Variants in HERPUD2 observed in about 807,000 individuals in gnomAD.
HERPUD2 encodes homocysteine-responsive endoplasmic reticulum-resident ubiquitin-like domain member 2 protein.
HERPUD2 carries 13 observed loss-of-function variants against 49.9 expected under a neutral mutation model. The observed-to-expected ratio is 0.26, with a 90% CI of 0.17 to 0.41. The LOEUF is 0.41. Ranked by LOEUF, HERPUD2 falls within the 10% of genes least tolerant of loss-of-function variation. HERPUD2 has a pLI of 1.00. For missense variants in HERPUD2, 449 were observed against 492.2 expected, an observed-to-expected ratio of 0.91 and a Z score of 0.83; for synonymous variants, 172 against 171.4, an observed-to-expected ratio of 1.00 and a Z score of -0.03.
chr7:35,641,150 T>C (rs547900546), intron 5 of HERPUD2, among the ~76,000 whole-genome samples: 181 of 152,326 alleles, frequency 1.2e-3, no homozygotes, highest in South Asian at 2.7e-3. Context: ...ATATCAACTA[T>C]TAATTAAAGC....
At chr7:35,657,912 A>G (rs1371961428) in intron 5 of HERPUD2, among the ~76,000 whole-genome samples, 1 of 150,374 alleles carries the variant, frequency 6.7e-6, no homozygotes, top group Admixed American at 6.6e-5. Context: ...ACACAGCGAG[A>G]CTCTGTCTCA....
At chr7:35,693,031 A>G (rs1346038866) in intron 2 of HERPUD2, among the ~76,000 whole-genome samples, 1 of 152,254 alleles carries the variant, frequency 6.6e-6, no homozygotes, top group Non-Finnish European at 1.5e-5. Flanking sequence ...TAAAAAATGT[A>G]TACAGTGGAG....
intron 5 of HERPUD2, among the ~76,000 whole-genome samples, chr7:35,648,354 T>C (rs2115867759): frequency 6.6e-6 from 1 of 152,364 alleles, no homozygotes; most frequent in East Asian, 1.9e-4. Flanking sequence ...AACAGGATTA[T>C]ACATGCATAC....
intron 6 of HERPUD2, among the ~76,000 whole-genome samples, chr7:35,636,849 C>G (rs1275761973): frequency 6.6e-6 from 1 of 152,120 alleles, no homozygotes; most frequent in Non-Finnish European, 1.5e-5. Context: ...ACCTGGCAAA[C>G]CGGGCATGGT....
chr7:35,648,372 C>T (rs1258950972), intron 5 of HERPUD2, among the ~76,000 whole-genome samples: 2 of 152,128 alleles, frequency 1.3e-5, no homozygotes, highest in Non-Finnish European at 1.5e-5. Flanking sequence ...TACTATGTGC[C>T]CCTCAGTGGC....
chr7:35,637,288 T>C (rs1242841395), intron 6 of HERPUD2, among the ~76,000 whole-genome samples: 1 of 152,050 alleles, frequency 6.6e-6, no homozygotes, highest in Non-Finnish European at 1.5e-5. Flanking sequence ...CAAGTGGACT[T>C]AGAATGAGAA....
intron 2 of HERPUD2, among the ~76,000 whole-genome samples, chr7:35,681,808 AAGAAAC>A (rs1465537226): frequency 6.6e-6 from 1 of 152,154 alleles, no homozygotes; most frequent in Non-Finnish European, 1.5e-5. Context: ...TAGAAAAAAA[AAGAAAC>A]AGAAAGTAGA....
intron 2 of HERPUD2, among the ~76,000 whole-genome samples, chr7:35,674,434 G>T (rs1263889886): frequency 0.019 from 2,396 of 128,708 alleles, 125 homozygotes; most frequent in Non-Finnish European, 0.023. Flanking sequence ...GAGAGAGAGA[G>T]AGAGAGAGAG....
At chr7:35,665,202 C>T (rs1583556441) in intron 5 of HERPUD2, among the ~76,000 whole-genome samples, 2 of 152,352 alleles carry the variant, frequency 1.3e-5, no homozygotes, top group East Asian at 3.9e-4. Context: ...TTCAGCTATG[C>T]CCTGCCCCTA....
Position 35,667,469 on chromosome 7 carries a change from T to C in HERPUD2, c.459A>G (p.Gln153=), listed in dbSNP as rs371851894. The C allele has an allele frequency of 6.2e-7, 1 of 1,613,824 alleles. No individual in the cohort carries two copies. The highest frequency in any genetic ancestry group is 8.5e-7 in the Non-Finnish European group (1 of 1,179,844). ...QRTLPQAQTD[Q]AQSHQFPYVM... is the part of the protein sequence containing the mutation. ...CATATGGAAACTGGTGACTCTGTGCTTGGTCAGTTTGTGCTTGTGGAAGGG... is the reference window on the plus strand; with the variant it reads ...CATATGGAAACTGGTGACTCTGTGCCTGGTCAGTTTGTGCTTGTGGAAGGG... The change falls in exon 5 of 9, where the codon CAA becomes CAG. Residue 153 remains glutamine (Q), a synonymous_variant. Transcript: ENST00000311350.
At chr7:35,669,892 C>T (rs1785608430) in intron 4 of HERPUD2, among the ~76,000 whole-genome samples, 1 of 151,998 alleles carries the variant, frequency 6.6e-6, no homozygotes, top group Admixed American at 6.6e-5. Context: ...ACGTCATTGG[C>T]CTAAGAGTTT....
intron 2 of HERPUD2, among the ~76,000 whole-genome samples, chr7:35,684,944 G>A (rs1786002705): frequency 6.6e-6 from 1 of 152,032 alleles, no homozygotes; most frequent in Non-Finnish European, 1.5e-5. Flanking sequence ...TACAGTAATT[G>A]AAAACAGAAA....
At chr7:35,686,251 C>T (rs1001612238) in intron 2 of HERPUD2, among the ~76,000 whole-genome samples, 7 of 150,494 alleles carry the variant, frequency 4.7e-5, no homozygotes, top group South Asian at 4.2e-4. Context: ...TGCAGTGGCG[C>T]GATCTCAGCT....
intron 2 of HERPUD2, among the ~76,000 whole-genome samples, chr7:35,689,470 A>G (rs1459936613): frequency 6.6e-6 from 1 of 152,224 alleles, no homozygotes; most frequent in Non-Finnish European, 1.5e-5. Context: ...TTTTAAAATG[A>G]CCTAAGTAAG....
In HERPUD2 at chr7:35,682,161, C is replaced by G. The variant is rs183659810; in HGVS notation, c.148-8883G>C. Among the ~76,000 whole-genome samples the G allele has an allele frequency of 3.2e-3, 489 of 151,756 alleles. 2 individuals are homozygous for G. Among genetic ancestry groups the G allele is most frequent in the African/African-American group, 0.011 (465 of 41,318 alleles). On this transcript the variant is annotated intron_variant, in intron 2 of 8. Coordinates refer to ENST00000311350, the MANE Select transcript of HERPUD2 (RefSeq NM_022373.5). The stretch of plus-strand genomic sequence containing the variant: ...TCAAGTGATCCTCCCACCCCAGCCT[C>G]CTGAGTAGCTGGGACTACAGGCATG...
chr7:35,689,920 G>C (rs1215975958), intron 2 of HERPUD2, among the ~76,000 whole-genome samples: 1 of 152,180 alleles, frequency 6.6e-6, no homozygotes, highest in Non-Finnish European at 1.5e-5. Context: ...GCTTGTTCAT[G>C]AGAACAGATA....
At chr7:35,653,318 A>G (rs756320874) in intron 5 of HERPUD2, among the ~76,000 whole-genome samples, 4 of 152,234 alleles carry the variant, frequency 2.6e-5, no homozygotes, top group African/African-American at 4.8e-5. Context: ...TAAAAACAGT[A>G]ACAACAAAGA....
chr7:35,640,221 C>T (rs1285191358), intron 5 of HERPUD2, among the ~76,000 whole-genome samples: 3 of 152,190 alleles, frequency 2.0e-5, no homozygotes, highest in East Asian at 1.9e-4. Context: ...TCAAGTATTA[C>T]AGCAATATGC....
At chr7:35,663,800 C>G (rs1468707668) in intron 5 of HERPUD2, among the ~76,000 whole-genome samples, 1 of 152,052 alleles carries the variant, frequency 6.6e-6, no homozygotes, top group East Asian at 1.9e-4. Flanking sequence ...TGTCTCTGCA[C>G]GTGAGATGGG....
Sources: allele counts gnomAD v4.1 joint callset (sites outside exome capture counted in the v4.1 genomes callset), GRCh38; gene constraint gnomAD v4.1.1; transcripts MANE v1.5; gene names NCBI Gene and HGNC (gene_info 2026-07-23, HGNC 2026-07-21).